Variants in NSF observed in about 807,000 individuals in gnomAD.
NSF encodes N-ethylmaleimide sensitive factor, vesicle fusing ATPase.
A neutral mutation model predicts 50.3 loss-of-function variants in NSF; 14 were observed. The observed-to-expected ratio is 0.28, with a 90% CI of 0.18 to 0.44. The LOEUF is 0.44. Ranked by LOEUF, NSF falls within the 20% of genes least tolerant of loss-of-function variation. The probability of loss-of-function intolerance (pLI) is 1.00; values close to 1 mark genes in which losing one functional copy is unlikely to be tolerated. For synonymous variants in NSF, 109 were observed against 175.7 expected (o/e 0.62, Z 3.00); for missense variants, 218 against 504.3 (o/e 0.43, Z 5.44).
intron 12 of NSF, among the ~76,000 whole-genome samples, chr17:46,703,700 A>C (rs1040506970): frequency 4.0e-5 from 6 of 148,704 alleles, no homozygotes; most frequent in Non-Finnish European, 5.9e-5. Context: ...AAAAAAAAAA[A>C]AAAACAAAAA....
chr17:46,737,017 T>G (rs12453054), intron 17 of NSF, among the ~76,000 whole-genome samples: 1 of 152,264 alleles, frequency 6.6e-6, no homozygotes, highest in Admixed American at 6.5e-5. Context: ...GGAAGTTTCT[T>G]TTTCACCAAA....
intron 4 of NSF, among the ~76,000 whole-genome samples, chr17:46,633,970 A>G (rs1336090691): frequency 5.1e-5 from 2 of 39,292 alleles, no homozygotes; most frequent in Non-Finnish European, 8.0e-5. Context: ...TCCCAGGTTC[A>G]AGCGATTCTC....
At chr17:46,731,476 G>A (rs1163281338) in intron 17 of NSF, among the ~76,000 whole-genome samples, 1 of 152,118 alleles carries the variant, frequency 6.6e-6, no homozygotes, top group Non-Finnish European at 1.5e-5. Context: ...CTTTAAATGG[G>A]TAAACTGTGT....
At chr17:46,731,862 A>C (rs1305137317) in intron 17 of NSF, among the ~76,000 whole-genome samples, 1 of 152,174 alleles carries the variant, frequency 6.6e-6, no homozygotes, top group African/African-American at 2.4e-5. Flanking sequence ...TAGTATTTCT[A>C]GTTGGCATGT....
At chr17:46,635,818 T>TGTGCGC (rs1208936942) in intron 4 of NSF, among the ~76,000 whole-genome samples, 4 of 138,356 alleles carry the variant, frequency 2.9e-5, no homozygotes, top group African/African-American at 1.1e-4. Flanking sequence ...TGTGTGTGTG[T>TGTGCGC]GCTCGTGTGT....
intron 9 of NSF, among the ~76,000 whole-genome samples, chr17:46,685,369 G>C (rs2058487466): frequency 1.3e-5 from 2 of 151,154 alleles, no homozygotes; most frequent in African/African-American, 4.9e-5. Context: ...ATCCAGAAAT[G>C]GCTTGATGTA....
At chr17:46,710,591 G>T (rs995050616) in intron 13 of NSF, among the ~76,000 whole-genome samples, 1 of 152,112 alleles carries the variant, frequency 6.6e-6, no homozygotes, top group East Asian at 1.9e-4. Context: ...TGTCTATTGC[G>T]CTGTTTCTAA....
At chr17:46,754,240 A>G (rs2059212010) in intron 19 of NSF, among the ~76,000 whole-genome samples, 1 of 148,748 alleles carries the variant, frequency 6.7e-6, no homozygotes, top group Non-Finnish European at 1.5e-5. Context: ...TTAGCTATTC[A>G]CACTTTTTCT....
intron 15 of NSF, among the ~76,000 whole-genome samples, chr17:46,716,330 C>G (rs1407468384): frequency 1.3e-5 from 2 of 150,696 alleles, no homozygotes; most frequent in African/African-American, 4.9e-5. Flanking sequence ...GATCTCAGCT[C>G]ACTGCAAGCT....
intron 14 of NSF, 92 bp downstream of exon 14, chr17:46,711,211 CT>C: frequency 8.2e-7 from 1 of 1,216,372 alleles, no homozygotes; most frequent in Non-Finnish European, 1.1e-6. Flanking sequence ...AAAGTGAATT[CT>C]TTTTCGTTTT....
At position 46,755,912 on chromosome 17, in the gene NSF, G is replaced by T; in HGVS notation, c.*89G>T. 7.6e-7 allele frequency: 1 copy of T among 1,322,072 alleles called. No individual in the cohort carries two copies. Among genetic ancestry groups the T allele is most frequent in the South Asian group, 1.3e-5 (1 of 79,362 alleles). 81.9% of individuals were successfully genotyped at this position (1,322,072 alleles called of 1,614,324 possible). A position where few individuals can be genotyped will look rare whatever the true frequency, so the allele number is the denominator to read the frequency against. ...CTTCACTGTCTTACTCAAGATACTG[G>T]ACTAAGTGGAACGTTCTCTACCTTC... On this transcript the variant is annotated 3_prime_UTR_variant, in exon 21 of 21. Transcript: ENST00000398238.
chr17:46,680,288 C>T (rs1182026733), intron 9 of NSF, among the ~76,000 whole-genome samples: 2 of 151,484 alleles, frequency 1.3e-5, no homozygotes, highest in African/African-American at 4.9e-5. Flanking sequence ...AAAAACAGAC[C>T]AAGGAAACAA....
intron 17 of NSF, among the ~76,000 whole-genome samples, chr17:46,735,115 CT>C (rs1323264772): frequency 6.6e-6 from 1 of 152,200 alleles, no homozygotes; most frequent in East Asian, 1.9e-4. Flanking sequence ...CAGATATCTG[CT>C]GAATAAAATC....
intron 9 of NSF, among the ~76,000 whole-genome samples, chr17:46,691,912 C>A (rs1233473102): frequency 6.6e-6 from 1 of 151,160 alleles, no homozygotes; most frequent in Non-Finnish European, 1.5e-5. Context: ...GCCACCACAC[C>A]CAGCTAATTT....
At chr17:46,752,491 T>G (rs1485224904) in intron 19 of NSF, among the ~76,000 whole-genome samples, 2 of 152,202 alleles carry the variant, frequency 1.3e-5, no homozygotes, top group African/African-American at 4.8e-5. Flanking sequence ...GGTCTCGCTC[T>G]GTCTCCCAGG....
chr17:46,752,047 G>A (rs149392426), intron 19 of NSF, among the ~76,000 whole-genome samples: 4 of 152,286 alleles, frequency 2.6e-5, no homozygotes, highest in African/African-American at 9.6e-5. Context: ...ATACCAAACG[G>A]TGTCTGGGAG....
chr17:46,709,881 G>A (rs1191396921), intron 13 of NSF, among the ~76,000 whole-genome samples: 1 of 152,094 alleles, frequency 6.6e-6, no homozygotes, highest in Non-Finnish European at 1.5e-5. Flanking sequence ...GCCATATCTA[G>A]GCCAAAGAAT....
intron 17 of NSF, among the ~76,000 whole-genome samples, chr17:46,730,980 A>G (rs1398017354): frequency 6.7e-6 from 1 of 149,770 alleles, no homozygotes; most frequent in Non-Finnish European, 1.5e-5. Flanking sequence ...GTTCCTCAAG[A>G]GGTTAAGCAT....
chr17:46,724,414 C>A (rs551365946), intron 15 of NSF, among the ~76,000 whole-genome samples: 1 of 152,258 alleles, frequency 6.6e-6, no homozygotes, highest in African/African-American at 2.4e-5. Context: ...ATAATAGAGG[C>A]CCCGCCTTAC....
Sources: gnomAD v4.1 joint callset for allele counts (sites outside exome capture counted in the v4.1 genomes callset) on GRCh38, gnomAD v4.1.1 for gene constraint, MANE v1.5 for transcripts, NCBI Gene and HGNC (gene_info 2026-07-23, HGNC 2026-07-21) for gene names.